The following PTPN14 variants were observed in gnomAD, a reference collection of about 807,000 sequenced individuals.
PTPN14 encodes the protein tyrosine-protein phosphatase non-receptor type 14.
A neutral mutation model predicts 126.8 loss-of-function variants in PTPN14; 53 were observed. The ratio of observed to expected loss-of-function variants is 0.42; its 90% confidence interval spans 0.34 to 0.53. The LOEUF is 0.53. PTPN14 is among the 20% of genes least tolerant of loss of function. PTPN14 has a pLI of 0.08. For missense variants in PTPN14, 1,257 were observed against 1,552.9 expected (o/e 0.81, Z 3.20); for synonymous variants, 630 against 599.3 (o/e 1.05, Z -0.75).
At chr1:214,530,581 A>G (rs1655520461) in intron 1 of PTPN14, 1 of 152,234 alleles carries the variant, frequency 6.6e-6, no homozygotes, top group South Asian at 2.1e-4. Flanking sequence ...GGCTCAAGCA[A>G]TCCACCCACA....
At chr1:214,387,236 C>T (rs1372493055) in intron 11 of PTPN14, among the ~76,000 whole-genome samples, 2 of 152,208 alleles carry the variant, frequency 1.3e-5, no homozygotes, top group African/African-American at 2.4e-5. Flanking sequence ...GTTCTCTATG[C>T]CTTCTTTCAC....
chr1:214,451,930 T>C lies in PTPN14; in HGVS notation c.219A>G (p.Ala73=), dbSNP rs141091959. ...GLWFLSKSQQ[A]RWVELEKPLK... ...GAGGTTTCTCCAGCTCCACCCATCG[T>C]GCTTGCTGGCTCTTGCTGAGAAACC... Residue 73 remains alanine, a synonymous_variant, in exon 3 of 19, where the codon GCA becomes GCG. Transcript: ENST00000366956. 1 of 1,614,230 alleles carries C rather than the reference T, an allele frequency of 6.2e-7. No homozygotes were observed. The highest frequency in any genetic ancestry group is 8.5e-7 in the Non-Finnish European group (1 of 1,180,030).
intron 10 of PTPN14, 34 bp downstream of exon 10, chr1:214,393,661 C>T: frequency 7.2e-7 from 1 of 1,388,092 alleles, no homozygotes; most frequent in Non-Finnish European, 9.8e-7. Context: ...TCTGACAAAG[C>T]CATCAAGTCG....
intron 1 of PTPN14, among the ~76,000 whole-genome samples, chr1:214,472,464 C>T (rs1040227074): frequency 6.6e-6 from 1 of 152,114 alleles, no homozygotes; most frequent in Non-Finnish European, 1.5e-5. Context: ...CAATTCAATC[C>T]CTTTTCTTGT....
chr1:214,412,831 G>A (rs193159986), intron 4 of PTPN14, among the ~76,000 whole-genome samples: 126 of 152,280 alleles, frequency 8.3e-4, no homozygotes, highest in Admixed American at 1.7e-3. Flanking sequence ...ATTGAGTAGT[G>A]AGAGGAAAGA....
intron 1 of PTPN14, among the ~76,000 whole-genome samples, chr1:214,544,026 T>A (rs1655907447): frequency 1.3e-5 from 2 of 152,158 alleles, no homozygotes; most frequent in African/African-American, 4.8e-5. Flanking sequence ...CTGAATAAGA[T>A]CCCTACCAGA....
chr1:214,444,822 A>C (rs1394356172), intron 3 of PTPN14, among the ~76,000 whole-genome samples: 1 of 152,152 alleles, frequency 6.6e-6, no homozygotes, highest in Non-Finnish European at 1.5e-5. Context: ...TTTCCCATCA[A>C]CATGCCATGG....
At chr1:214,395,362 G>A (rs377034071) in intron 8 of PTPN14, among the ~76,000 whole-genome samples, 1 of 151,930 alleles carries the variant, frequency 6.6e-6, no homozygotes, top group East Asian at 1.9e-4. Flanking sequence ...AAAATCATGT[G>A]TTTCCAGGAA....
At chr1:214,412,778 C>A (rs557798510) in intron 4 of PTPN14, among the ~76,000 whole-genome samples, 1 of 152,198 alleles carries the variant, frequency 6.6e-6, no homozygotes, top group Non-Finnish European at 1.5e-5. Flanking sequence ...CCAAATTCCT[C>A]GAGGATCCTC....
intron 2 of PTPN14, among the ~76,000 whole-genome samples, chr1:214,457,123 T>C (rs942186535): frequency 1.3e-5 from 2 of 152,136 alleles, no homozygotes; most frequent in Admixed American, 6.5e-5. Context: ...TATGTGATAA[T>C]AGGAAATGCA....
chr1:214,511,784 A>C (rs1654979699), intron 1 of PTPN14, among the ~76,000 whole-genome samples: 1 of 152,234 alleles, frequency 6.6e-6, no homozygotes, highest in African/African-American at 2.4e-5. Flanking sequence ...GTCCATCAAC[A>C]CATGAATGGT....
At position 214,496,232 on chromosome 1, in the gene PTPN14, G is replaced by C. The variant is rs562849609; in HGVS notation, c.-154-31275C>G. ...TAACTAGATCCCAGTGAACAGGTGA[G>C]AGAGGTACCCAAGAGGAAATGTGGA... On this transcript the variant is annotated intron_variant, in intron 1 of 18. Coordinates refer to ENST00000366956, the MANE Select transcript of PTPN14 (RefSeq NM_005401.5). Among the ~76,000 whole-genome samples the C allele has an allele frequency of 2.3e-3, 346 of 152,276 alleles. 2 individuals are homozygous for C. Among genetic ancestry groups the C allele is most frequent in the Middle Eastern group, 3.4e-3 (1 of 294 alleles).
chr1:214,383,223 C>T lies in PTPN14; in HGVS notation c.2544+88G>A, dbSNP rs1383078369. The T allele has an allele frequency of 9.6e-6, 14 of 1,452,242 alleles. No homozygotes were observed. In the African/African-American group the frequency reaches 9.9e-5, roughly 10 times the overall value. The allele number at this position is 1,452,242 out of a possible 1,614,324, so 90.0% of individuals were successfully genotyped here. Reference sequence around the variant, plus strand: ...TCAATGATTCCTTAAAAACCTACCACGTTCCCTGCATAAGCCCTGCCCCTT... The same window carrying T: ...TCAATGATTCCTTAAAAACCTACCATGTTCCCTGCATAAGCCCTGCCCCTT... On this transcript the variant is annotated intron_variant, in intron 13 of 18. Coordinates refer to ENST00000366956, the MANE Select transcript of PTPN14 (RefSeq NM_005401.5). The surrounding 1 kb of genome is among the most constrained non-coding windows in gnomAD (Gnocchi z 4.4).
chr1:214,361,649 T>G (rs1657957977), intron 18 of PTPN14, among the ~76,000 whole-genome samples: 3 of 152,234 alleles, frequency 2.0e-5, no homozygotes, highest in Non-Finnish European at 4.4e-5. Context: ...ACATCTGCCC[T>G]TTGGCTACTG....
intron 2 of PTPN14, among the ~76,000 whole-genome samples, chr1:214,459,399 C>T (rs556742541): frequency 4.2e-4 from 64 of 151,642 alleles, no homozygotes; most frequent in African/African-American, 1.1e-3. Flanking sequence ...GCGATCTGCC[C>T]GCCTCAGCCT....
chr1:214,508,625 C>T (rs1409820823), intron 1 of PTPN14, among the ~76,000 whole-genome samples: 3 of 152,176 alleles, frequency 2.0e-5, no homozygotes, highest in Admixed American at 6.5e-5. Context: ...AACCTCCTCT[C>T]GTGAATTGGG....
chr1:214,527,647 A>G (rs1655433673), intron 1 of PTPN14, among the ~76,000 whole-genome samples: 1 of 152,198 alleles, frequency 6.6e-6, no homozygotes, highest in Non-Finnish European at 1.5e-5. Flanking sequence ...TCTTGCTTCC[A>G]AGATTCTGAA....
intron 1 of PTPN14, among the ~76,000 whole-genome samples, chr1:214,508,018 T>TA (rs1349886506): frequency 2.0e-5 from 3 of 152,084 alleles, no homozygotes; most frequent in Non-Finnish European, 4.4e-5. Flanking sequence ...ACTGTATTGC[T>TA]AAAAAAGGCT....
In PTPN14 at chr1:214,384,693, C is replaced by G. The variant is rs190693661; in HGVS notation, c.1162G>C (p.Val388Leu). ...GAGTTGACGCTGTGAACGCTACACA[C>G]GCTGCCATTGGTGACAGTGCCATTT... ...YLNGTVTNGS[V>L]CSVHSVNSLN... Residue 388 changes from valine (V) to leucine (L), a missense_variant, in exon 13 of 19, where the codon GTG (valine) becomes CTG (leucine). Val to Leu is a conservative substitution (Grantham distance 32, BLOSUM62 1). This residue lies in a region of PTPN14 where 1,021 missense variants were observed against 1,183.3 expected (regional missense o/e 0.86). Coordinates refer to ENST00000366956, the MANE Select transcript of PTPN14 (RefSeq NM_005401.5). This position sits in a 1 kb window ranked among gnomAD's most constrained non-coding sequence, Gnocchi z 5.3. 29 of 1,614,010 alleles carry G rather than the reference C, an allele frequency of 1.8e-5. No homozygotes were observed. The highest frequency in any genetic ancestry group is 2.5e-5 in the Non-Finnish European group (29 of 1,180,030).
Sources: allele counts gnomAD v4.1 joint callset (sites outside exome capture counted in the v4.1 genomes callset), GRCh38; gene constraint gnomAD v4.1.1; regional missense constraint gnomAD v4.1.1; non-coding constraint Gnocchi (gnomAD v3.1); transcripts MANE v1.5; gene names NCBI Gene and HGNC (gene_info 2026-07-23, HGNC 2026-07-21).